CABIN1: variants seen among roughly 807,000 people sequenced by gnomAD.
The protein encoded by CABIN1 is calcineurin-binding protein cabin-1.
CABIN1 carries 133 observed loss-of-function variants against 227.7 expected under a neutral mutation model. The observed-to-expected ratio is 0.58, with a 90% CI of 0.51 to 0.67. The LOEUF (loss-of-function observed/expected upper bound fraction) is 0.67. CABIN1 is among the 30% of genes least tolerant of loss of function. The pLI is 0.00. For missense variants in CABIN1, 2,408 were observed against 2,852.5 expected (o/e 0.84, Z 3.55); for synonymous variants, 1,086 against 1,155.1 (o/e 0.94, Z 1.21).
intron 7 of CABIN1, 146 bp downstream of exon 7, chr22:24,049,366 G>A: frequency 9.8e-7 from 1 of 1,016,442 alleles, no homozygotes; most frequent in Non-Finnish European, 1.5e-6. Flanking sequence ...CCCTGATCTA[G>A]TGAACTGACC....
chr22:24,126,510 G>A (rs1465813380), intron 28 of CABIN1, among the ~76,000 whole-genome samples: 5 of 151,884 alleles, frequency 3.3e-5, no homozygotes, highest in African/African-American at 9.7e-5. Flanking sequence ...AGAATCTGCT[G>A]GAAGCTGGTG....
chr22:24,165,743 T>C, intron 31 of CABIN1, 117 bp downstream of exon 31: 1 of 818,018 alleles, frequency 1.2e-6, no homozygotes, highest in Non-Finnish European at 2.0e-6. Flanking sequence ...TGCCTAAGGG[T>C]CCCCATCTGT....
chr22:24,055,781 A>G (rs2038746905), intron 9 of CABIN1, among the ~76,000 whole-genome samples: 1 of 152,198 alleles, frequency 6.6e-6, no homozygotes, highest in Non-Finnish European at 1.5e-5. Context: ...TATTGTCCAT[A>G]TAGTTCACAC....
intron 26 of CABIN1, among the ~76,000 whole-genome samples, chr22:24,098,509 G>C (rs1414286499): frequency 6.6e-6 from 1 of 152,174 alleles, no homozygotes; most frequent in Non-Finnish European, 1.5e-5. Context: ...TACTTTGAAA[G>C]GAAGTTAGAA....
intron 1 of CABIN1, among the ~76,000 whole-genome samples, chr22:24,014,258 ATTTAT>A: frequency 6.6e-6 from 1 of 152,048 alleles, no homozygotes; most frequent in South Asian, 2.1e-4. Flanking sequence ...TCTTTTATTT[ATTTAT>A]TTGATTATTT....
intron 1 of CABIN1, among the ~76,000 whole-genome samples, chr22:24,018,097 C>CT (rs1483662855): frequency 6.6e-6 from 1 of 151,960 alleles, no homozygotes; most frequent in Admixed American, 6.6e-5. Flanking sequence ...TCAAGCAATC[C>CT]TTTCACCTCG....
Position 24,070,956 on chromosome 22 carries a change from G to T in CABIN1, c.2389G>T (p.Ala797Ser). The T allele has an allele frequency of 6.2e-7, 1 of 1,614,184 alleles. No individual in the cohort carries two copies. The highest frequency in any genetic ancestry group is 8.5e-7 in the Non-Finnish European group (1 of 1,180,032). Residue 797 changes from alanine (A) to serine (S), a missense_variant, in exon 17 of 37, where the codon GCC (alanine) becomes TCC (serine). By Grantham distance (99) the Ala-to-Ser change is moderately conservative. This residue lies in a region of CABIN1 where 1,045 missense variants were observed against 1,168.4 expected (regional missense o/e 0.89). Coordinates refer to ENST00000263119, the MANE Select transcript of CABIN1 (RefSeq NM_012295.4). ...CCAACTGCTGATGGGCATCGAGCAG[G>T]CCCTCTCTGCGGACAGCAGTGGTAG... The part of the protein sequence containing the change: ...VTQLLMGIEQ[A>S]LSADSSGSIL...
chr22:24,050,424 A>ACT (rs1169975960), intron 7 of CABIN1, among the ~76,000 whole-genome samples: 3 of 152,184 alleles, frequency 2.0e-5, no homozygotes, highest in Non-Finnish European at 4.4e-5. Flanking sequence ...GGGTCGTGAT[A>ACT]CACTTTGGTG....
chr22:24,125,507 G>A (rs1051483576), intron 28 of CABIN1, among the ~76,000 whole-genome samples: 2 of 152,260 alleles, frequency 1.3e-5, no homozygotes, highest in Middle Eastern at 3.4e-3. Context: ...CAGGTGTGAG[G>A]GCCTGCTGTT....
At chr22:24,066,576 G>A (rs529859682) in intron 15 of CABIN1, among the ~76,000 whole-genome samples, 5 of 152,300 alleles carry the variant, frequency 3.3e-5, no homozygotes, top group Non-Finnish European at 7.3e-5. Context: ...CCAGGGCTTC[G>A]TCAGGTCCTG....
chr22:24,175,309 C>G (rs2148817713), intron 34 of CABIN1, among the ~76,000 whole-genome samples: 1 of 152,334 alleles, frequency 6.6e-6, no homozygotes, highest in African/African-American at 2.4e-5. Context: ...CTGCTGGCCC[C>G]AGCTTTGTAC....
At chr22:24,084,836 C>G (rs1174816928) in intron 21 of CABIN1, 51 bp downstream of exon 21, 10 of 1,587,466 alleles carry the variant, frequency 6.3e-6, no homozygotes, top group Non-Finnish European at 8.6e-6. Flanking sequence ...TCACACTCTT[C>G]CGCTCTGCCA....
chr22:24,056,126 G>C, intron 9 of CABIN1, 66 bp from the exon 10 acceptor site: 1 of 1,344,344 alleles, frequency 7.4e-7, no homozygotes, highest in Non-Finnish European at 1.1e-6. Flanking sequence ...AGATTGATGT[G>C]TCTGTGTGGT....
rs779418438 is a variant in CABIN1, at chr22:24,119,465, C to T, written c.4399C>T (p.Pro1467Ser). ...AAETPASACI[P>S]GKPSASTPTL... ...AGAAACCCCAGCCTCTGCTTGCATCCCTGGCAAGCCCTCAGCATCCACACC... is the reference window on the plus strand; with the variant it reads ...AGAAACCCCAGCCTCTGCTTGCATCTCTGGCAAGCCCTCAGCATCCACACC... Residue 1467 changes from proline to serine, a missense_variant, in exon 28 of 37, where the codon CCT becomes TCT. Around this residue, in one of 3 missense-constraint regions of CABIN1, gnomAD observed 649 missense variants for 910.3 expected, o/e 0.71. Coordinates refer to ENST00000263119, the MANE Select transcript of CABIN1 (RefSeq NM_012295.4). The T allele has an allele frequency of 1.9e-6, 3 of 1,614,078 alleles. No homozygotes were observed. Among genetic ancestry groups the T allele is most frequent in the South Asian group, 2.2e-5 (2 of 91,086 alleles).
At chr22:24,090,168 G>C (rs772394911) in intron 23 of CABIN1, among the ~76,000 whole-genome samples, 5 of 152,218 alleles carry the variant, frequency 3.3e-5, no homozygotes, top group Admixed American at 6.5e-5. Flanking sequence ...TATGGGGAAG[G>C]GGTGGGGGCT....
intron 25 of CABIN1, among the ~76,000 whole-genome samples, chr22:24,097,238 G>A (rs1421045847): frequency 1.3e-5 from 2 of 152,076 alleles, no homozygotes; most frequent in Non-Finnish European, 2.9e-5. Flanking sequence ...AGAACATTCA[G>A]GTAGTATATA....
At chr22:24,063,890 G>A in intron 14 of CABIN1, 145 bp from the exon 15 acceptor site, 1 of 902,626 alleles carries the variant, frequency 1.1e-6, no homozygotes. Context: ...TACATGCCAG[G>A]CCTTTCTTAG....
Position 24,076,107 on chromosome 22 carries a change from G to A in CABIN1, c.2633-62G>A, listed in dbSNP as rs373550056. On this transcript the variant is annotated intron_variant, in intron 18 of 36. Coordinates refer to ENST00000263119, the MANE Select transcript of CABIN1 (RefSeq NM_012295.4). ...CGAAAAGAGGAGACTGAGCCTCGCA[G>A]CCCCTGCAGGCACGCAGGTTCCCAC... is the stretch of plus-strand genomic sequence containing the variant. 286 of 1,200,118 alleles carry A rather than the reference G, an allele frequency of 2.4e-4. No homozygotes were observed. In the East Asian group the frequency reaches 6.2e-3, roughly 26 times the overall value. The allele number at this position is 1,200,118 out of a possible 1,614,324, so 74.3% of individuals were successfully genotyped here. A position where few individuals can be genotyped will look rare whatever the true frequency, so the allele number is the denominator to read the frequency against.
At position 24,178,054 on chromosome 22, in the gene CABIN1, C is replaced by T; in HGVS notation, c.6521C>T (p.Ser2174Leu). Residue 2174 changes from serine to leucine, a missense_variant and splice_region_variant, in exon 37 of 37, where the codon TCA becomes TTA. Transcript: ENST00000263119. ...ISEETKQKLKSAILSAQSAAN... is the reference protein window; with the variant it reads ...ISEETKQKLKLAILSAQSAAN... ...TGCCCCGCCCGGCCCTCTCCGCAGTCAGCCATCCTTTCTGCCCAGTCTGCT... is the reference window on the plus strand; with the variant it reads ...TGCCCCGCCCGGCCCTCTCCGCAGTTAGCCATCCTTTCTGCCCAGTCTGCT... 13 of 1,613,674 alleles carry T rather than the reference C, an allele frequency of 8.1e-6. No homozygotes were observed. Among genetic ancestry groups the T allele is most frequent in the Non-Finnish European group, 1.1e-5 (13 of 1,179,958 alleles).
Sources: gnomAD v4.1 joint callset for allele counts (sites outside exome capture counted in the v4.1 genomes callset) on GRCh38, gnomAD v4.1.1 for gene constraint, gnomAD v4.1.1 regional missense constraint, MANE v1.5 for transcripts, NCBI Gene and HGNC (gene_info 2026-07-23, HGNC 2026-07-21) for gene names.